The following ENTPD3 variants were observed in gnomAD, a reference collection of about 807,000 sequenced individuals.
ENTPD3 encodes CD39 antigen-like 3.
In ENTPD3, 60 loss-of-function variants were observed where a neutral mutation model predicts 51.2. That is an observed-to-expected ratio of 1.17 (90% CI 0.95 to 1.45). The LOEUF is 1.45. Ranked by LOEUF, ENTPD3 falls within the 40% of genes most tolerant of loss-of-function variation. The pLI, the probability that ENTPD3 is intolerant of heterozygous loss-of-function variation, is 0.00. For synonymous variants in ENTPD3, 221 were observed against 238.4 expected, an observed-to-expected ratio of 0.93 and a Z score of 0.67; for missense variants, 593 against 641.1, an observed-to-expected ratio of 0.93 and a Z score of 0.81.
intron 2 of ENTPD3, among the ~76,000 whole-genome samples, chr3:40,389,126 T>C (rs905899033): frequency 2.0e-5 from 3 of 152,252 alleles, no homozygotes; most frequent in Non-Finnish European, 2.9e-5. Flanking sequence ...CCAAAACACT[T>C]TGAAATGTTA....
At chr3:40,412,691 T>C (rs187659618) in intron 5 of ENTPD3, among the ~76,000 whole-genome samples, 53 of 152,352 alleles carry the variant, frequency 3.5e-4, no homozygotes, top group African/African-American at 1.3e-3. Context: ...AGAGCCACTT[T>C]ATCTACGATT....
intron 7 of ENTPD3, among the ~76,000 whole-genome samples, chr3:40,417,710 C>T (rs1329689266): frequency 6.6e-6 from 1 of 152,216 alleles, no homozygotes; most frequent in Non-Finnish European, 1.5e-5. Flanking sequence ...ACTCACCACT[C>T]ATCCCCACTT....
intron 3 of ENTPD3, among the ~76,000 whole-genome samples, chr3:40,393,095 A>T (rs1042818762): frequency 6.6e-6 from 1 of 152,086 alleles, no homozygotes; most frequent in Non-Finnish European, 1.5e-5. Flanking sequence ...GAATCATAAT[A>T]TATCCCCAGG....
At chr3:40,424,928 G>A in intron 10 of ENTPD3, 1 of 627,530 alleles carries the variant, frequency 1.6e-6, no homozygotes, top group Non-Finnish European at 2.9e-6. Context: ...AGGATGTCTG[G>A]AGACATAAGG....
chr3:40,420,329 G>A (rs1955839035), intron 7 of ENTPD3, among the ~76,000 whole-genome samples: 2 of 149,742 alleles, frequency 1.3e-5, no homozygotes, highest in South Asian at 2.1e-4. Flanking sequence ...TCTGCCTCTC[G>A]GGTTCACGCC....
At chr3:40,402,150 A>C in intron 4 of ENTPD3, among the ~76,000 whole-genome samples, 1 of 98,748 alleles carries the variant, frequency 1.0e-5, no homozygotes, top group East Asian at 3.0e-4. Context: ...ACAGAGTCTC[A>C]CTCTGTTGCC....
Position 40,415,837 on chromosome 3 carries a change from C to T in ENTPD3, c.598-3C>T, listed in dbSNP as rs1422643312. ...TTTCTCACTTCCTTTTCCCACTGTG[C>T]AGAAGAACCTGTGGCACATGTGGGT... On this transcript the variant is annotated splice_polypyrimidine_tract_variant and splice_region_variant and intron_variant, in intron 6 of 10. Coordinates refer to ENST00000301825, the MANE Select transcript of ENTPD3 (RefSeq NM_001248.4). 3.7e-6 allele frequency: 6 copies of T among 1,612,420 alleles called. No individual in the cohort carries two copies.
rs1268044447 is a variant in ENTPD3 at position 40,427,464 on chromosome 3, A to G, written c.1546A>G (p.Arg516Gly). The G allele has an allele frequency of 2.5e-6, 4 of 1,613,374 alleles. No homozygotes were observed. The South Asian group carries it at 4.4e-5, about 18-fold the overall frequency. Reference sequence around the variant, plus strand: ...CCTGTGTTCAGCAACCAGAAGAAAGAGGCACTCCGAGCATGCCTTTGACCA... The same window carrying G: ...CCTGTGTTCAGCAACCAGAAGAAAGGGGCACTCCGAGCATGCCTTTGACCA... ...AYLCSATRRK[R>G]HSEHAFDHAV... The change falls in exon 11 of 11, where the codon AGG becomes GGG. Residue 516 changes from arginine to glycine, a missense_variant. Transcript: ENST00000301825.
intron 1 of ENTPD3, 189 bp from the exon 2 acceptor site, chr3:40,387,857 A>T: frequency 1.8e-6 from 1 of 558,704 alleles, no homozygotes; most frequent in Non-Finnish European, 3.2e-6. Context: ...TCATTTGGGG[A>T]GATGACATGA....
chr3:40,393,515 G>C (rs1955115071), intron 3 of ENTPD3, among the ~76,000 whole-genome samples: 1 of 152,030 alleles, frequency 6.6e-6, no homozygotes, highest in Non-Finnish European at 1.5e-5. Flanking sequence ...TCTAAGGATG[G>C]GTTTGAGCTA....
At chr3:40,412,077 G>A in intron 5 of ENTPD3, 115 bp downstream of exon 5, 1 of 1,050,876 alleles carries the variant, frequency 9.5e-7, no homozygotes, top group Non-Finnish European at 1.3e-6. Flanking sequence ...CCAAAAAGAA[G>A]CCCACATTCT....
At chr3:40,401,296 T>C (rs573466050) in intron 4 of ENTPD3, among the ~76,000 whole-genome samples, 2 of 152,158 alleles carry the variant, frequency 1.3e-5, no homozygotes, top group Non-Finnish European at 1.5e-5. Context: ...CATATTTTCA[T>C]GGGTGCTGGA....
intron 5 of ENTPD3, among the ~76,000 whole-genome samples, chr3:40,412,720 CTA>C (rs1053607154): frequency 1.3e-5 from 2 of 152,190 alleles, no homozygotes; most frequent in African/African-American, 4.8e-5. Flanking sequence ...GCAAAATTAT[CTA>C]TGTCTGAGCA....
chr3:40,422,353 T>C (rs1244696134), intron 7 of ENTPD3, among the ~76,000 whole-genome samples: 1 of 149,732 alleles, frequency 6.7e-6, no homozygotes, highest in Non-Finnish European at 1.5e-5. Flanking sequence ...CTTAGAGATT[T>C]TATTATTATT....
At chr3:40,400,055 G>A (rs563837499) in intron 3 of ENTPD3, among the ~76,000 whole-genome samples, 11 of 151,858 alleles carry the variant, frequency 7.2e-5, no homozygotes, top group African/African-American at 1.9e-4. Context: ...ACTTGAGGTC[G>A]GGAGTTTGAG....
chr3:40,391,672 T>G, intron 2 of ENTPD3: 1 of 252,724 alleles, frequency 4.0e-6, no homozygotes. Context: ...TGAGACTCCA[T>G]CTCAAAAAAA....
chr3:40,418,899 C>T (rs971654878), intron 7 of ENTPD3, among the ~76,000 whole-genome samples: 34 of 151,922 alleles, frequency 2.2e-4, no homozygotes, highest in African/African-American at 7.5e-4. Context: ...AGTGCCATAA[C>T]TTAAAAAGAA....
At chr3:40,395,063 A>C (rs1477019452) in intron 3 of ENTPD3, among the ~76,000 whole-genome samples, 1 of 152,226 alleles carries the variant, frequency 6.6e-6, no homozygotes, top group Non-Finnish European at 1.5e-5. Flanking sequence ...AGCTGCTTAC[A>C]GGGAGTGTAA....
intron 3 of ENTPD3, among the ~76,000 whole-genome samples, chr3:40,398,540 T>C (rs1955264398): frequency 1.3e-5 from 2 of 152,178 alleles, no homozygotes; most frequent in South Asian, 4.1e-4. Flanking sequence ...AGTCGCTGCC[T>C]GTGACAGATT....
Sources: allele counts gnomAD v4.1 joint callset (sites outside exome capture counted in the v4.1 genomes callset), GRCh38; gene constraint gnomAD v4.1.1; transcripts MANE v1.5; gene names NCBI Gene and HGNC (gene_info 2026-07-23, HGNC 2026-07-21).